The following PVT1 variants were observed in gnomAD, a reference collection of about 807,000 sequenced individuals.
The protein encoded by PVT1 is CXCR4/PVT1 fusion.
intron 2 of PVT1, among the ~76,000 whole-genome samples, chr8:127,829,999 G>GT (rs1814832789): frequency 6.6e-6 from 1 of 152,116 alleles, no homozygotes; most frequent in Non-Finnish European, 1.5e-5. Flanking sequence ...TTCCCTCTGT[G>GT]TGTCTCTGAA....
At chr8:127,900,457 T>C (rs757585259) in intron 3 of PVT1, among the ~76,000 whole-genome samples, 14 of 152,140 alleles carry the variant, frequency 9.2e-5, no homozygotes, top group Non-Finnish European at 2.1e-4. Context: ...GAACTTGGGG[T>C]ATAACAGGTC....
chr8:127,980,152 G>C (rs1381363551), intron 3 of PVT1, among the ~76,000 whole-genome samples: 1 of 152,140 alleles, frequency 6.6e-6, no homozygotes, highest in Non-Finnish European at 1.5e-5. Context: ...GAAGCGCTGG[G>C]ATTATAGGTG....
At chr8:128,081,111 A>T (rs1303350612) in intron 5 of PVT1, among the ~76,000 whole-genome samples, 1 of 152,148 alleles carries the variant, frequency 6.6e-6, no homozygotes, top group African/African-American at 2.4e-5. Context: ...TGATGACCAT[A>T]GCTTTATAGG....
intron 5 of PVT1, among the ~76,000 whole-genome samples, chr8:128,091,597 G>A (rs1814353652): frequency 6.6e-6 from 1 of 152,192 alleles, no homozygotes; most frequent in Admixed American, 6.5e-5. Context: ...AGACTCTAGA[G>A]GGATACATGA....
chr8:127,864,705 G>A lies in PVT1; in HGVS notation n.373-25884G>A, dbSNP rs888387554. ...TGGGACTACAGGCGCCCACCACCAC[G>A]CCCGGCTATTTTTTTTGTATTTTTA... On this transcript the variant is annotated intron_variant and non_coding_transcript_variant, in intron 2 of 10. Transcript: ENST00000651587. Among the ~76,000 whole-genome samples the A allele has an allele frequency of 1.8e-3, 277 of 152,100 alleles. 2 individuals carry two copies. The highest frequency in any genetic ancestry group is 6.5e-3 in the African/African-American group (269 of 41,498).
intron 4 of PVT1, among the ~76,000 whole-genome samples, chr8:128,030,958 G>T (rs1421521104): frequency 1.3e-5 from 2 of 152,168 alleles, no homozygotes; most frequent in Non-Finnish European, 2.9e-5. Flanking sequence ...TCTCCATCCT[G>T]GATTCAAGAC....
chr8:128,039,330 C>A (rs1228105165), intron 4 of PVT1, among the ~76,000 whole-genome samples: 2 of 152,230 alleles, frequency 1.3e-5, no homozygotes, highest in South Asian at 2.1e-4. Context: ...AGAGAACAAT[C>A]CACACCAGCT....
At chr8:128,024,964 G>A (rs1320778074) in intron 4 of PVT1, among the ~76,000 whole-genome samples, 3 of 152,264 alleles carry the variant, frequency 2.0e-5, no homozygotes, top group Non-Finnish European at 2.9e-5. Context: ...CTCTCAAAGT[G>A]TTGGGATTAC....
At chr8:127,844,861 C>A (rs1815014223) in intron 2 of PVT1, among the ~76,000 whole-genome samples, 2 of 152,092 alleles carry the variant, frequency 1.3e-5, no homozygotes, top group Admixed American at 1.3e-4. Context: ...CTACAGGCGC[C>A]CACCACCACG....
chr8:127,958,887 C>T (rs945526210), intron 3 of PVT1, among the ~76,000 whole-genome samples: 1 of 152,170 alleles, frequency 6.6e-6, no homozygotes, highest in African/African-American at 2.4e-5. Flanking sequence ...TATTTGAACT[C>T]ACAGAGTCCT....
intron 4 of PVT1, among the ~76,000 whole-genome samples, chr8:127,994,566 T>G (rs1029998232): frequency 1.3e-5 from 2 of 152,240 alleles, no homozygotes; most frequent in African/African-American, 4.8e-5. Context: ...TGAAGATAGA[T>G]GCGTATCCAT....
At chr8:127,989,594 A>G (rs1256421868) in intron 4 of PVT1, among the ~76,000 whole-genome samples, 2 of 152,160 alleles carry the variant, frequency 1.3e-5, no homozygotes, top group South Asian at 2.1e-4. Context: ...CTGTCTTGTG[A>G]AAACATGTGG....
intron 3 of PVT1, among the ~76,000 whole-genome samples, chr8:127,970,951 T>G (rs1014762388): frequency 6.6e-6 from 1 of 152,146 alleles, no homozygotes; most frequent in Non-Finnish European, 1.5e-5. Context: ...AGGCTATCAG[T>G]TTTTGTAAAT....
chr8:127,943,623 GACA>G (rs998038851), intron 3 of PVT1, among the ~76,000 whole-genome samples: 3 of 152,120 alleles, frequency 2.0e-5, no homozygotes, highest in African/African-American at 7.2e-5. Flanking sequence ...TTCCAGTTGG[GACA>G]ACCTAAAGTG....
At chr8:127,987,767 G>A (rs1344420722) in intron 3 of PVT1, among the ~76,000 whole-genome samples, 1 of 152,168 alleles carries the variant, frequency 6.6e-6, no homozygotes, top group Non-Finnish European at 1.5e-5. Context: ...CTGTGCCTCT[G>A]CCCTTTTTGG....
At chr8:128,094,363 T>C (rs1814399908) in intron 5 of PVT1, among the ~76,000 whole-genome samples, 1 of 152,220 alleles carries the variant, frequency 6.6e-6, no homozygotes, top group Non-Finnish European at 1.5e-5. Flanking sequence ...TTTTATAGCA[T>C]GAAAATTATA....
chr8:127,987,457 G>GA (rs533181817), intron 3 of PVT1, among the ~76,000 whole-genome samples: 1 of 152,226 alleles, frequency 6.6e-6, no homozygotes, highest in Non-Finnish European at 1.5e-5. Flanking sequence ...TGGTGAGATA[G>GA]AAAGAGGGGA....
At chr8:127,995,166 C>T (rs10808565) in intron 4 of PVT1, among the ~76,000 whole-genome samples, 47,859 of 152,042 alleles carry the variant, frequency 0.31, 8,661 homozygotes, top group Admixed American at 0.52. Flanking sequence ...TGTTGAGCCC[C>T]AGCTGACCCC....
intron 5 of PVT1, among the ~76,000 whole-genome samples, chr8:128,080,530 T>G (rs1049539337): frequency 6.6e-6 from 1 of 152,224 alleles, no homozygotes; most frequent in African/African-American, 2.4e-5. Flanking sequence ...GCCTGCTCAG[T>G]TCTTTTGCTC....
Sources: gnomAD v4.1 joint callset for allele counts (sites outside exome capture counted in the v4.1 genomes callset) on GRCh38, gnomAD v4.1.1 for gene constraint, MANE v1.5 for transcripts, NCBI Gene and HGNC (gene_info 2026-07-23, HGNC 2026-07-21) for gene names.